The following DMRTB1 variants were observed in gnomAD, a reference collection of about 807,000 sequenced individuals.
DMRTB1 encodes the protein DMRT like family B with proline rich C-terminal 1.
DMRTB1 carries 9 observed loss-of-function variants against 25.2 expected under a neutral mutation model. The ratio of observed to expected loss-of-function variants is 0.36; its 90% CI spans 0.22 to 0.62. The LOEUF (loss-of-function observed/expected upper bound fraction) is 0.62. DMRTB1 is among the 20% of genes least tolerant of loss of function. DMRTB1 has a pLI of 0.71. For missense variants in DMRTB1, 551 were observed against 499.3 expected (o/e 1.10, Z -0.99); for synonymous variants, 269 against 238.1 (o/e 1.13, Z -1.20).
chr1:53,460,745 G>A (rs1233527563), intron 1 of DMRTB1, among the ~76,000 whole-genome samples: 2 of 152,214 alleles, frequency 1.3e-5, no homozygotes, highest in Admixed American at 6.5e-5. Flanking sequence ...GGTTTGGTGC[G>A]GACGCGTTTT....
At chr1:53,465,496 C>T (rs188065335) in intron 3 of DMRTB1, among the ~76,000 whole-genome samples, 1 of 152,302 alleles carries the variant, frequency 6.6e-6, no homozygotes, top group Admixed American at 6.5e-5. Flanking sequence ...TTTTGAGGGC[C>T]CTTGCAGCTT....
At chr1:53,461,426 T>A in intron 1 of DMRTB1, 47 bp from the exon 2 acceptor site, 2 of 1,506,478 alleles carry the variant, frequency 1.3e-6, no homozygotes, top group Non-Finnish European at 1.8e-6. Context: ...CTGCGGATGC[T>A]TTTCCCAGCG....
In DMRTB1 at chr1:53,459,599, T is replaced by C. The variant is rs1415676223; in HGVS notation, c.146T>C (p.Ile49Thr). 32 of 1,593,184 alleles carry C rather than the reference T, an allele frequency of 2.0e-5. No individual in the cohort carries two copies. The highest frequency in any genetic ancestry group is 2.5e-5 in the Non-Finnish European group (29 of 1,170,244). ...KCYLISERQK[I>T]MAAQKVLKTQ... The stretch of plus-strand genomic sequence containing the variant: ...TACCTGATCTCCGAGCGCCAGAAGA[T>C]CATGGCCGCGCAGAAGGTGCTCAAG... The change falls in exon 1 of 4, where the codon ATC (isoleucine) becomes ACC (threonine). Residue 49 changes from isoleucine to threonine, a missense_variant. Ile to Thr is a moderately conservative substitution (Grantham distance 89). Coordinates refer to ENST00000371445, the MANE Select transcript of DMRTB1 (RefSeq NM_033067.3).
rs973306719 is a variant in DMRTB1, at chr1:53,463,059, C to T, written c.750+1414C>T. ...CGGTTTATCTGGGCCTGAGCTGCCA[C>T]CACAGGCCCCAGGCAGGAGCTGTGA... On this transcript the variant is annotated intron_variant, in intron 2 of 3. Coordinates refer to ENST00000371445, the MANE Select transcript of DMRTB1 (RefSeq NM_033067.3). Among the ~76,000 whole-genome samples the T allele has an allele frequency of 1.3e-3, 197 of 152,354 alleles. 2 individuals are homozygous for T. The highest frequency in any genetic ancestry group is 2.8e-4 in the Non-Finnish European group (19 of 68,036).
Position 53,467,014 on chromosome 1 carries a change from G to A in DMRTB1, c.*352G>A, listed in dbSNP as rs998546295. ...TTTGATTTCCTCAGGCCCCACTCTA[G>A]GACAGGAGGCACCATCTATTTCAGC... On this transcript the variant is annotated 3_prime_UTR_variant, in exon 4 of 4. Coordinates refer to ENST00000371445, the MANE Select transcript of DMRTB1 (RefSeq NM_033067.3). The A allele has an allele frequency of 4.4e-6, 1 of 227,220 alleles. No individual in the cohort carries two copies. The highest frequency in any genetic ancestry group is 2.3e-5 in the African/African-American group (1 of 44,244). 14.1% of individuals were successfully genotyped at this position (227,220 alleles called of 1,614,324 possible).
rs1446299018 is a variant in DMRTB1 at position 53,466,578 on chromosome 1, TTC to T, written c.962-15_962-14del. Reference sequence around the variant, plus strand: ...TTCGCTCTTTCTAAATCCAGCTACCTTCTTTGTCCTTCACAGATGACCAGGAT... The same window carrying T: ...TTCGCTCTTTCTAAATCCAGCTACCTTTTGTCCTTCACAGATGACCAGGAT... On this transcript the variant is annotated splice_polypyrimidine_tract_variant and intron_variant, in intron 3 of 3. Coordinates refer to ENST00000371445, the MANE Select transcript of DMRTB1 (RefSeq NM_033067.3). The T allele has an allele frequency of 6.2e-7, 1 of 1,611,546 alleles. No individual in the cohort carries two copies. The highest frequency in any genetic ancestry group is 1.7e-5 in the Admixed American group (1 of 59,276).
rs1005835904 is a variant in DMRTB1, at chr1:53,467,338, T to G, written c.*676T>G. On this transcript the variant is annotated 3_prime_UTR_variant, in exon 4 of 4. Transcript: ENST00000371445. ...AATTTATTAGTTTGACTATTTGATG[T>G]TTTTATAGTGATTGCCAACTTTAAA... 2.0e-5 allele frequency: 3 copies of G among 152,626 alleles called. No individual in the cohort carries two copies. Among genetic ancestry groups the G allele is most frequent in the Non-Finnish European group, 4.4e-5 (3 of 68,130 alleles). 9.5% of individuals were successfully genotyped at this position (152,626 alleles called of 1,614,324 possible). A position where few individuals can be genotyped will look rare whatever the true frequency, so the allele number is the denominator to read the frequency against.
At chr1:53,463,689 C>A (rs994669605) in intron 2 of DMRTB1, among the ~76,000 whole-genome samples, 1 of 152,232 alleles carries the variant, frequency 6.6e-6, no homozygotes, top group Non-Finnish European at 1.5e-5. Flanking sequence ...ATGTGGGGAG[C>A]AGTATATGGG....
Position 53,459,744 on chromosome 1 carries a change from G to A in DMRTB1, c.291G>A (p.Pro97=), listed in dbSNP as rs1644007751. The change falls in exon 1 of 4, where the codon CCG becomes CCA. Residue 97 remains proline (P), a synonymous_variant. Transcript: ENST00000371445. The part of the protein sequence containing the change: ...PVPVPAASLR[P]LSPGTPSGDA... ...CCGTCCCGGCCGCGAGCCTCCGCCC[G>A]CTGTCCCCGGGGACTCCCTCCGGAG... The A allele has an allele frequency of 3.0e-6, 4 of 1,352,298 alleles. No homozygotes were observed. The highest frequency in any genetic ancestry group is 3.4e-5 in the East Asian group (1 of 29,344). The allele number at this position is 1,352,298 out of a possible 1,614,324, so 83.8% of individuals were successfully genotyped here.
chr1:53,465,703 C>G (rs1644046752), intron 3 of DMRTB1, among the ~76,000 whole-genome samples: 1 of 152,166 alleles, frequency 6.6e-6, no homozygotes, highest in Non-Finnish European at 1.5e-5. Flanking sequence ...GTGCCTAGAT[C>G]CAGTAGCTGG....
chr1:53,459,702 C>T lies in DMRTB1; in HGVS notation c.249C>T (p.Ala83=). 1 of 1,451,946 alleles carries T rather than the reference C, an allele frequency of 6.9e-7. No homozygotes were observed. Among genetic ancestry groups the T allele is most frequent in the Non-Finnish European group, 9.1e-7 (1 of 1,104,562 alleles). 89.9% of individuals were successfully genotyped at this position (1,451,946 alleles called of 1,614,324 possible). A position where few individuals can be genotyped will look rare whatever the true frequency, so the allele number is the denominator to read the frequency against. The stretch of plus-strand genomic sequence containing the variant: ...AGCAGGCCTCCGGGGCTGCGGCCGC[C>T]GCCCCCGCCCCCGTCCCCGTCCCGG... ...GPKQASGAAA[A]APAPVPVPAA... is the part of the protein sequence containing the mutation. The change falls in exon 1 of 4, where the codon GCC becomes GCT. Residue 83 remains alanine (A), a synonymous_variant. Coordinates refer to ENST00000371445, the MANE Select transcript of DMRTB1 (RefSeq NM_033067.3).
rs763094935 is a variant in DMRTB1 at position 53,466,701 on chromosome 1, T to TG, written c.*45dup. 9 of 1,598,942 alleles carry TG rather than the reference T, an allele frequency of 5.6e-6. No homozygotes were observed. In the African/African-American group the frequency reaches 1.2e-4, roughly 21 times the overall value. On this transcript the variant is annotated 3_prime_UTR_variant, in exon 4 of 4. Transcript: ENST00000371445. ...CCTCCTGGCCAGCAGAGTGGGGCAC[T>TG]GGGGGGCAACAGCAACAGTTTTCTT...
Position 53,459,642 on chromosome 1 carries a change from G to A in DMRTB1, c.189G>A (p.Glu63=), listed in dbSNP as rs2100635237. The A allele has an allele frequency of 3.9e-6, 6 of 1,556,580 alleles. No homozygotes were observed. Among genetic ancestry groups the A allele is most frequent in the East Asian group, 2.4e-5 (1 of 41,494 alleles). ...QKVLKTQAAE[E]EQEAALCAQG... ...TGCTCAAGACGCAGGCCGCCGAGGA[G>A]GAGCAGGAGGCGGCCCTGTGTGCGC... The change falls in exon 1 of 4, where the codon GAG becomes GAA. Residue 63 remains glutamate, a synonymous_variant. Transcript: ENST00000371445.
In DMRTB1 at chr1:53,459,921, C is replaced by A; in HGVS notation, c.468C>A (p.Ser156Arg). The part of the protein sequence containing the change: ...PSERAAVAMP[S>R]LAGPPFGAEA... ...AGCGAGCCGCCGTGGCGATGCCCAGCCTTGCGGGACCCCCTTTTGGGGCGG... is the reference window on the plus strand; with the variant it reads ...AGCGAGCCGCCGTGGCGATGCCCAGACTTGCGGGACCCCCTTTTGGGGCGG... Residue 156 changes from serine to arginine, a missense_variant, in exon 1 of 4, where the codon AGC becomes AGA. Coordinates refer to ENST00000371445, the MANE Select transcript of DMRTB1 (RefSeq NM_033067.3). 6.4e-7 allele frequency: 1 copy of A among 1,556,880 alleles called. No homozygotes were observed. Among genetic ancestry groups the A allele is most frequent in the Non-Finnish European group, 8.6e-7 (1 of 1,161,002 alleles).
Position 53,459,943 on chromosome 1 carries a change from G to A in DMRTB1, c.490G>A (p.Ala164Thr). ...CAGCCTTGCGGGACCCCCTTTTGGG[G>A]CGGAGGCCGCAGGCAGTGGCTACCC... is the stretch of plus-strand genomic sequence containing the variant. The part of the protein sequence containing the change: ...MPSLAGPPFG[A>T]EAAGSGYPGP... Residue 164 changes from alanine (A) to threonine (T), a missense_variant, in exon 1 of 4, where the codon GCG becomes ACG. By Grantham distance (58) the Ala-to-Thr change is moderately conservative. Coordinates refer to ENST00000371445, the MANE Select transcript of DMRTB1 (RefSeq NM_033067.3). 1 of 1,568,616 alleles carries A rather than the reference G, an allele frequency of 6.4e-7. No homozygotes were observed. Among genetic ancestry groups the A allele is most frequent in the East Asian group, 2.4e-5 (1 of 42,048 alleles).
intron 1 of DMRTB1, chr1:53,460,301 G>A: frequency 5.1e-6 from 2 of 389,556 alleles, no homozygotes; most frequent in Non-Finnish European, 9.0e-6. Context: ...ACAAAATGGC[G>A]TCCAGTCGAC....
rs1057136876 is a variant in DMRTB1 at position 53,463,842 on chromosome 1, A to G, written c.751-795A>G. Among the ~76,000 whole-genome samples the G allele has an allele frequency of 2.6e-5, 4 of 152,346 alleles. No homozygotes were observed. In the East Asian group the frequency reaches 7.7e-4, roughly 29 times the overall value. On this transcript the variant is annotated intron_variant, in intron 2 of 3. Coordinates refer to ENST00000371445, the MANE Select transcript of DMRTB1 (RefSeq NM_033067.3). ...GAAGTGAATGACAGGAACTACATCCAAAACTCAGTATTATTTCTTACGACA... is the reference window on the plus strand; with the variant it reads ...GAAGTGAATGACAGGAACTACATCCGAAACTCAGTATTATTTCTTACGACA...
At chr1:53,464,592 C>G (rs992612102) in intron 2 of DMRTB1, 45 bp from the exon 3 acceptor site, 1 of 1,611,614 alleles carries the variant, frequency 6.2e-7, no homozygotes, top group Admixed American at 1.7e-5. Flanking sequence ...GCCCATCTGG[C>G]TAACTCTCTC....
Position 53,466,618 on chromosome 1 carries a change from T to G in DMRTB1, c.985T>G (p.Ser329Ala). 8.7e-6 allele frequency: 14 copies of G among 1,614,216 alleles called. No individual in the cohort carries two copies. The highest frequency in any genetic ancestry group is 1.2e-5 in the Non-Finnish European group (14 of 1,180,032). Reference sequence around the variant, plus strand: ...AGATGACCAGGATGCAGAGGTACTGTCGGGTGAGCCCAGCCAGCCATCGTC... The same window carrying G: ...AGATGACCAGGATGCAGAGGTACTGGCGGGTGAGCCCAGCCAGCCATCGTC... ...NTDDQDAEVL[S>A]GEPSQPSSQE... is the part of the protein sequence containing the mutation. The change falls in exon 4 of 4, where the codon TCG (serine) becomes GCG (alanine). Residue 329 changes from serine to alanine, a missense_variant. Transcript: ENST00000371445.
Sources: allele counts gnomAD v4.1 joint callset (sites outside exome capture counted in the v4.1 genomes callset), GRCh38; gene constraint gnomAD v4.1.1; transcripts MANE v1.5; gene names NCBI Gene and HGNC (gene_info 2026-07-23, HGNC 2026-07-21).